The following IQCK variants were observed in gnomAD, a reference collection of about 807,000 sequenced individuals.
The protein encoded by IQCK is IQ domain-containing protein K.
Under a neutral mutation model 28.1 loss-of-function variants are expected in IQCK, and 29 were observed. The observed-to-expected ratio is 1.03, with a 90% CI of 0.77 to 1.41. The LOEUF is 1.41. Ranked by LOEUF, IQCK falls within the 40% of genes most tolerant of loss-of-function variation. IQCK has a pLI of 0.00. For synonymous variants in IQCK, 113 were observed against 115.1 expected, an observed-to-expected ratio of 0.98 and a Z score of 0.12; for missense variants, 359 against 314.7, an observed-to-expected ratio of 1.14 and a Z score of -1.07.
At chr16:19,755,923 C>G (rs1317935559) in intron 4 of IQCK, among the ~76,000 whole-genome samples, 1 of 152,186 alleles carries the variant, frequency 6.6e-6, no homozygotes, top group Non-Finnish European at 1.5e-5. Context: ...TGGCTCACAC[C>G]TGTAATGCCA....
At chr16:19,780,577 G>A (rs1014755749) in intron 6 of IQCK, among the ~76,000 whole-genome samples, 4 of 152,170 alleles carry the variant, frequency 2.6e-5, no homozygotes, top group Non-Finnish European at 4.4e-5. Flanking sequence ...AGGGGTCCCG[G>A]AACTTGGAAA....
intron 3 of IQCK, among the ~76,000 whole-genome samples, chr16:19,734,372 A>C (rs1370352929): frequency 2.7e-5 from 4 of 150,108 alleles, no homozygotes; most frequent in Non-Finnish European, 4.4e-5. Flanking sequence ...TGGCAGGAGA[A>C]TCTCTTGAAC....
intron 4 of IQCK, among the ~76,000 whole-genome samples, chr16:19,757,571 C>A (rs1359577573): frequency 6.6e-6 from 1 of 152,174 alleles, no homozygotes; most frequent in African/African-American, 2.4e-5. Flanking sequence ...ATCCTAGCTA[C>A]TTAGGAGGCT....
chr16:19,722,551 G>A (rs756660003), intron 1 of IQCK, among the ~76,000 whole-genome samples: 2 of 152,032 alleles, frequency 1.3e-5, no homozygotes, highest in Non-Finnish European at 2.9e-5. Flanking sequence ...TCATTTCTCC[G>A]AATAAATTGT....
intron 4 of IQCK, among the ~76,000 whole-genome samples, chr16:19,739,670 C>G (rs1325625602): frequency 1.3e-5 from 2 of 152,162 alleles, no homozygotes; most frequent in African/African-American, 2.4e-5. Context: ...CGAAAATTAG[C>G]TGGGCATGGT....
downstream of IQCK, among the ~76,000 whole-genome samples, chr16:19,830,275 CA>C (rs1225236697): frequency 5.9e-5 from 9 of 152,232 alleles, no homozygotes; most frequent in Non-Finnish European, 1.3e-4. Flanking sequence ...GAAAGTGCAG[CA>C]TGCCTATTTC....
At chr16:19,817,246 G>A (rs2056001352) in intron 7 of IQCK, among the ~76,000 whole-genome samples, 1 of 152,090 alleles carries the variant, frequency 6.6e-6, no homozygotes, top group Admixed American at 6.5e-5. Flanking sequence ...GCTTTGTTTG[G>A]CAATGAAATT....
chr16:19,730,641 C>G, intron 2 of IQCK, 147 bp downstream of exon 2: 1 of 516,182 alleles, frequency 1.9e-6, no homozygotes, highest in East Asian at 3.2e-5. Flanking sequence ...GGGGCCAATC[C>G]CAGCTCTAAT....
At chr16:19,800,701 C>T (rs1215886623) in intron 7 of IQCK, among the ~76,000 whole-genome samples, 5 of 53,316 alleles carry the variant, frequency 9.4e-5, no homozygotes, top group East Asian at 4.6e-4. Flanking sequence ...TAAAATGCCA[C>T]GTGCAGATTA....
intron 1 of IQCK, among the ~76,000 whole-genome samples, chr16:19,724,709 T>C (rs137867231): frequency 0.023 from 3,505 of 152,090 alleles, 58 homozygotes; most frequent in Non-Finnish European, 0.035. Context: ...TGTTTTTGTA[T>C]TTTTAGTAGA....
intron 4 of IQCK, among the ~76,000 whole-genome samples, chr16:19,748,318 G>A (rs908574898): frequency 5.9e-5 from 9 of 152,058 alleles, no homozygotes; most frequent in South Asian, 2.1e-4. Context: ...TAGGTGATCC[G>A]CCCACCTCTG....
chr16:19,771,123 C>T (rs970001634), intron 6 of IQCK, among the ~76,000 whole-genome samples: 1 of 152,074 alleles, frequency 6.6e-6, no homozygotes, highest in African/African-American at 2.4e-5. Context: ...ACAGGGTCTC[C>T]CTCTGTTGCC....
At chr16:19,746,137 G>A (rs2054907938) in intron 4 of IQCK, among the ~76,000 whole-genome samples, 2 of 138,712 alleles carry the variant, frequency 1.4e-5, no homozygotes, top group African/African-American at 5.5e-5. Flanking sequence ...TTGGGGGACA[G>A]AGTGAGACTA....
rs146578118 is a variant in IQCK at position 19,743,024 on chromosome 16, A to G, written c.474+7574A>G. On this transcript the variant is annotated intron_variant, in intron 4 of 7. Transcript: ENST00000564186. ...TCTCTACTAAGAATACAAAAAAATT[A>G]GTTGGGCATGGTGGCACGTGCCTGT... Among the ~76,000 whole-genome samples, 297 of 152,294 alleles carry G rather than the reference A, an allele frequency of 2.0e-3. 3 individuals carry two copies. The highest frequency in any genetic ancestry group is 7.0e-3 in the African/African-American group (289 of 41,564).
downstream of IQCK, among the ~76,000 whole-genome samples, chr16:19,831,517 C>A (rs757482122): frequency 3.9e-5 from 6 of 152,026 alleles, no homozygotes; most frequent in Non-Finnish European, 8.8e-5. Flanking sequence ...ATCTCCCCAG[C>A]CAAGGTGACA....
At chr16:19,723,447 A>T (rs1415800625) in intron 1 of IQCK, among the ~76,000 whole-genome samples, 1 of 152,142 alleles carries the variant, frequency 6.6e-6, no homozygotes, top group Non-Finnish European at 1.5e-5. Flanking sequence ...GCATTGTGCT[A>T]GGTGCATTAC....
chr16:19,786,576 G>A lies in IQCK; in HGVS notation c.606-2262G>A, dbSNP rs568993989. On this transcript the variant is annotated intron_variant, in intron 6 of 7. Transcript: ENST00000564186. ...TGGCCAGGCATTGTGGCGTGCTCCT[G>A]TAGTCCCACTACTCAGGAGGCTGAG... Among the ~76,000 whole-genome samples the A allele has an allele frequency of 7.5e-5, 10 of 132,916 alleles. No homozygotes were observed. In the South Asian group the frequency reaches 1.6e-3, roughly 21 times the overall value. The allele number at this position is 132,916 out of a possible 152,430, so 87.2% of individuals were successfully genotyped here. A position where few individuals can be genotyped will look rare whatever the true frequency, so the allele number is the denominator to read the frequency against.
intron 6 of IQCK, chr16:19,766,220 C>CT (rs1245057683): frequency 6.6e-6 from 1 of 152,246 alleles, no homozygotes; most frequent in Non-Finnish European, 1.5e-5. Flanking sequence ...CTGCACAGAG[C>CT]TTGGTGCTGT....
chr16:19,733,369 C>T (rs1214122232), intron 2 of IQCK, among the ~76,000 whole-genome samples: 1 of 152,058 alleles, frequency 6.6e-6, no homozygotes, highest in Non-Finnish European at 1.5e-5. Flanking sequence ...GAACTCCTGA[C>T]CTCAGATGAT....
Sources: gnomAD v4.1 joint callset for allele counts (sites outside exome capture counted in the v4.1 genomes callset) on GRCh38, gnomAD v4.1.1 for gene constraint, MANE v1.5 for transcripts, NCBI Gene and HGNC (gene_info 2026-07-23, HGNC 2026-07-21) for gene names.